Variants in SEC14L1 observed in about 807,000 individuals in gnomAD.
SEC14L1 encodes SEC14 like lipid binding 1.
Under a neutral mutation model 85.3 loss-of-function variants are expected in SEC14L1, and 48 were observed. The ratio of observed to expected loss-of-function variants is 0.56; its 90% CI spans 0.45 to 0.72. The LOEUF is 0.72. SEC14L1 is among the 30% of genes least tolerant of loss of function. The pLI, the probability that SEC14L1 is intolerant of heterozygous loss-of-function variation, is 0.00. For synonymous variants in SEC14L1, 391 were observed against 355.5 expected, an observed-to-expected ratio of 1.10 and a Z score of -1.12; for missense variants, 682 against 921.4, an observed-to-expected ratio of 0.74 and a Z score of 3.36.
rs746987421 is a variant in SEC14L1 at position 77,200,478 on chromosome 17, T to C, written c.820-6T>C. ...ATTGCTTAGAAATGTCTTTTTCTCTTAATAGATTCCAAAAGATGAGCATAT... is the reference window on the plus strand; with the variant it reads ...ATTGCTTAGAAATGTCTTTTTCTCTCAATAGATTCCAAAAGATGAGCATAT... On this transcript the variant is annotated splice_region_variant and splice_polypyrimidine_tract_variant and intron_variant, in intron 8 of 16. Transcript: ENST00000436233. The C allele has an allele frequency of 6.2e-7, 1 of 1,611,598 alleles. No homozygotes were observed. Among genetic ancestry groups the C allele is most frequent in the Non-Finnish European group, 8.5e-7 (1 of 1,178,520 alleles).
At chr17:77,178,928 T>TG (rs1974881635) in intron 3 of SEC14L1, among the ~76,000 whole-genome samples, 1 of 152,206 alleles carries the variant, frequency 6.6e-6, no homozygotes, top group Non-Finnish European at 1.5e-5. Context: ...GGTCGCTGGA[T>TG]GTAGTGACCT....
At position 77,096,406 on chromosome 17, in the gene SEC14L1, A is replaced by G. The variant is rs373094662; in HGVS notation, c.-136+3059A>G. ...ACCCTGTCTCTACTAAAAATACAAA[A>G]ATTAGCCAGGCGTTATGTTGCGTAC... On this transcript the variant is annotated intron_variant, in intron 3 of 19. Coordinates refer to the SEC14L1 transcript ENST00000392476. Among the ~76,000 whole-genome samples the G allele has an allele frequency of 2.4e-4, 37 of 152,024 alleles. No individual in the cohort carries two copies. The East Asian group carries it at 3.9e-3, about 16-fold the overall frequency.
intron 3 of SEC14L1, among the ~76,000 whole-genome samples, chr17:77,174,706 G>A (rs1197596185): frequency 6.6e-6 from 1 of 152,188 alleles, no homozygotes; most frequent in East Asian, 1.9e-4. Context: ...CTTCCCCAGA[G>A]GAGAATGGGA....
At chr17:77,192,484 G>A (rs541351382) in intron 5 of SEC14L1, among the ~76,000 whole-genome samples, 69 of 152,248 alleles carry the variant, frequency 4.5e-4, no homozygotes, top group African/African-American at 1.5e-3. Context: ...CGCCTTTCCT[G>A]TCCTTGCTGT....
intron 10 of SEC14L1, 26 bp from the exon 11 acceptor site, chr17:77,205,250 A>T (rs752566703): frequency 6.2e-7 from 1 of 1,605,640 alleles, no homozygotes; most frequent in African/African-American, 1.3e-5. Context: ...TAATCATGGT[A>T]AATTTTCATG....
chr17:77,162,047 A>G (rs920818468), intron 3 of SEC14L1, among the ~76,000 whole-genome samples: 7 of 151,464 alleles, frequency 4.6e-5, no homozygotes, highest in Non-Finnish European at 8.8e-5. Flanking sequence ...CAGGTCGTCT[A>G]TGAATGGTTT....
intron 3 of SEC14L1, among the ~76,000 whole-genome samples, chr17:77,180,262 C>T (rs1974972064): frequency 6.6e-6 from 1 of 151,534 alleles, no homozygotes; most frequent in Non-Finnish European, 1.5e-5. Context: ...TGCCACCATG[C>T]CCAGCTGATT....
chr17:77,177,431 CTA>C (rs891856163), intron 3 of SEC14L1, among the ~76,000 whole-genome samples: 6 of 150,680 alleles, frequency 4.0e-5, no homozygotes, highest in African/African-American at 7.3e-5. Flanking sequence ...CTCAGTAACT[CTA>C]TGTCAGCCTA....
At chr17:77,171,224 G>C (rs982821871) in intron 3 of SEC14L1, among the ~76,000 whole-genome samples, 1 of 152,188 alleles carries the variant, frequency 6.6e-6, no homozygotes, top group Non-Finnish European at 1.5e-5. Context: ...GGGGACCCCA[G>C]TGAGTTCCTT....
At chr17:77,089,787 G>C (rs141525298) in intron 2 of SEC14L1, 8 of 204,336 alleles carry the variant, frequency 3.9e-5, no homozygotes, top group African/African-American at 2.0e-4. Flanking sequence ...AGGCCGAGGC[G>C]GGTGGATCAC....
rs60744895 is a variant in SEC14L1 at position 77,157,527 on chromosome 17, T to A, written c.63+13868T>A. On this transcript the variant is annotated intron_variant, in intron 3 of 16. Transcript: ENST00000436233. ...GAAGAAAGGAGGGTGGTTTCTATTATAACTTTTTTTTTTTTTTTGAGATGG... is the reference window on the plus strand; with the variant it reads ...GAAGAAAGGAGGGTGGTTTCTATTAAAACTTTTTTTTTTTTTTTGAGATGG... Among the ~76,000 whole-genome samples, 1,218 of 148,054 alleles carry A rather than the reference T, an allele frequency of 8.2e-3. 17 individuals carry two copies. Among genetic ancestry groups the A allele is most frequent in the African/African-American group, 0.028 (1,133 of 40,594 alleles).
intron 3 of SEC14L1, among the ~76,000 whole-genome samples, chr17:77,170,157 C>T (rs1026133071): frequency 6.6e-6 from 1 of 152,080 alleles, no homozygotes; most frequent in Non-Finnish European, 1.5e-5. Context: ...GGAGCTAGAT[C>T]TGGTTATATT....
intron 3 of SEC14L1, among the ~76,000 whole-genome samples, chr17:77,125,788 C>T (rs1164785997): frequency 7.2e-5 from 11 of 152,108 alleles, no homozygotes. Flanking sequence ...CACCGTGACA[C>T]CAGGATGTAC....
Position 77,169,007 on chromosome 17 carries a change from CTTTTTTTTTTTTT to C in SEC14L1, c.64-21778_64-21766del, listed in dbSNP as rs71160208. 2.5e-3 allele frequency among the ~76,000 whole-genome samples: 193 copies of C among 77,860 alleles called. 1 individual carries two copies. Among genetic ancestry groups the C allele is most frequent in the African/African-American group, 9.0e-3 (176 of 19,576 alleles). The allele number at this position is 77,860 out of a possible 152,430, so 51.1% of individuals were successfully genotyped here. A position where few individuals can be genotyped will look rare whatever the true frequency, so the allele number is the denominator to read the frequency against. On this transcript the variant is annotated intron_variant, in intron 3 of 16. Transcript: ENST00000436233. ...GGGTCAAAAGACCCGTGAGGAGCAT[CTTTTTTTTTTTTT>C]TTTTTTTTTTTTTTTTTGTGATCCT...
intron 3 of SEC14L1, among the ~76,000 whole-genome samples, chr17:77,149,856 G>GT (rs201022692): frequency 0.012 from 1,504 of 123,888 alleles, 11 homozygotes; most frequent in African/African-American, 0.025. Context: ...GCTGATTTGT[G>GT]TTTTTTTTTT....
chr17:77,164,603 T>C (rs893484761), intron 3 of SEC14L1, among the ~76,000 whole-genome samples: 3 of 152,184 alleles, frequency 2.0e-5, no homozygotes, highest in African/African-American at 7.2e-5. Context: ...TCTAATTTGC[T>C]CTGCCATATG....
At chr17:77,110,810 G>A (rs1214701030) in intron 3 of SEC14L1, among the ~76,000 whole-genome samples, 1 of 149,916 alleles carries the variant, frequency 6.7e-6, no homozygotes, top group Non-Finnish European at 1.5e-5. Flanking sequence ...TGTGAACCCG[G>A]GAGTTTGCAG....
Position 77,206,794 on chromosome 17 carries a change from G to C in SEC14L1, c.1408G>C (p.Gly470Arg), listed in dbSNP as rs1175255799. The C allele has an allele frequency of 6.2e-7, 1 of 1,611,990 alleles. No homozygotes were observed. ...CATTTATGCAGGAAATGACTACCAG[G>C]GTCCTGGAGGCCTGCTGGATTACAT... ...FLIYAGNDYQ[G>R]PGGLLDYIDK... The change falls in exon 13 of 17, where the codon GGT (glycine) becomes CGT (arginine). Residue 470 changes from glycine to arginine, a missense_variant. Around this residue, in one of 3 missense-constraint regions of SEC14L1, gnomAD observed 420 missense variants for 619.5 expected, o/e 0.68. Coordinates refer to ENST00000436233, the MANE Select transcript of SEC14L1 (RefSeq NM_001143998.2). The surrounding 1 kb of genome is among the most constrained non-coding windows in gnomAD (Gnocchi z 4.3).
At chr17:77,195,113 G>A (rs1382936301) in intron 7 of SEC14L1, 3 of 574,336 alleles carry the variant, frequency 5.2e-6, no homozygotes, top group East Asian at 2.8e-5. Flanking sequence ...TTTGTTAATA[G>A]GAAGGATTAT....
Sources: allele counts gnomAD v4.1 joint callset (sites outside exome capture counted in the v4.1 genomes callset), GRCh38; gene constraint gnomAD v4.1.1; regional missense constraint gnomAD v4.1.1; non-coding constraint Gnocchi (gnomAD v3.1); transcripts MANE v1.5; gene names NCBI Gene and HGNC (gene_info 2026-07-23, HGNC 2026-07-21).